The following COL18A1 variants were observed in gnomAD, a reference collection of about 807,000 sequenced individuals.
The protein encoded by COL18A1 is collagen type XVIII alpha 1 chain.
A neutral mutation model predicts 168.0 loss-of-function variants in COL18A1; 133 were observed. The observed-to-expected ratio is 0.79, with a 90% CI of 0.69 to 0.91. The LOEUF (loss-of-function observed/expected upper bound fraction) is 0.91, where lower values mean the gene tolerates loss of function less well. Among genes scored for constraint, COL18A1 ranks in the 40% least tolerant of loss-of-function variants. COL18A1 has a pLI of 0.00. For missense variants in COL18A1, 2,126 were observed against 1,925.4 expected (o/e 1.10, Z -1.95); for synonymous variants, 949 against 809.0 (o/e 1.17, Z -2.94).
intron 14 of COL18A1, 139 bp from the exon 15 acceptor site, chr21:45,482,656 C>A: frequency 1.5e-6 from 2 of 1,293,046 alleles, no homozygotes; most frequent in Non-Finnish European, 2.2e-6. Context: ...GCGGCAACAG[C>A]CTCAGAAACT....
intron 2 of COL18A1, among the ~76,000 whole-genome samples, chr21:45,411,232 C>T (rs1424336341): frequency 5.3e-5 from 8 of 152,116 alleles, no homozygotes; most frequent in Admixed American, 2.6e-4. Context: ...CTGCCTTCCC[C>T]GATGCCAGGT....
At chr21:45,488,053 C>T (rs2036177232) in intron 17 of COL18A1, among the ~76,000 whole-genome samples, 1 of 152,188 alleles carries the variant, frequency 6.6e-6, no homozygotes, top group Non-Finnish European at 1.5e-5. Context: ...GTCCCCTCCA[C>T]ACCACCAGCG....
intron 27 of COL18A1, 76 bp from the exon 28 acceptor site, chr21:45,494,786 C>T: frequency 7.1e-7 from 1 of 1,399,120 alleles, no homozygotes. Flanking sequence ...TGGCCCCTCC[C>T]CTTCCCCAGG....
chr21:45,462,514 G>A (rs977707695), intron 2 of COL18A1, among the ~76,000 whole-genome samples: 16 of 151,762 alleles, frequency 1.1e-4, no homozygotes, highest in Admixed American at 2.0e-4. Context: ...TTATTCTTTT[G>A]TCTGCTCAAA....
rs143092536 is a variant in COL18A1, at chr21:45,480,054, T to C, written c.1312-16T>C. 3 of 1,610,974 alleles carry C rather than the reference T, an allele frequency of 1.9e-6. No individual in the cohort carries two copies. Among genetic ancestry groups the C allele is most frequent in the African/African-American group, 2.7e-5 (2 of 74,748 alleles). ...GTGCGTGCCCAGGGTATGATAGGCT[T>C]GTCTTGTGTTCCCAGGGAGACCCTG... is the stretch of plus-strand genomic sequence containing the variant. On this transcript the variant is annotated splice_polypyrimidine_tract_variant and intron_variant, in intron 10 of 41. Transcript: ENST00000651438.
chr21:45,505,545 C>A (rs563833094), intron 36 of COL18A1, 114 bp downstream of exon 36: 13 of 713,590 alleles, frequency 1.8e-5, no homozygotes, highest in African/African-American at 1.1e-4. Context: ...ATACAGGAGG[C>A]CAAGATGCGG....
chr21:45,426,634 G>A (rs2033811884), intron 2 of COL18A1, among the ~76,000 whole-genome samples: 1 of 152,238 alleles, frequency 6.6e-6, no homozygotes, highest in Non-Finnish European at 1.5e-5. Flanking sequence ...TGGGTGCCAG[G>A]CCTGGCCGGG....
At chr21:45,430,306 G>A (rs2033922168) in intron 2 of COL18A1, among the ~76,000 whole-genome samples, 1 of 152,246 alleles carries the variant, frequency 6.6e-6, no homozygotes, top group Admixed American at 6.5e-5. Flanking sequence ...GTGGAACTCT[G>A]TGGTGGTCAG....
At chr21:45,477,379 G>A (rs747035115) in intron 6 of COL18A1, 32 bp from the exon 7 acceptor site, 10 of 1,589,226 alleles carry the variant, frequency 6.3e-6, no homozygotes, top group Middle Eastern at 1.8e-4. Context: ...CCCGGGGGGC[G>A]TGACCGTGGC....
chr21:45,507,035 G>A (rs919486757), intron 37 of COL18A1: 1 of 316,288 alleles, frequency 3.2e-6, no homozygotes. Flanking sequence ...GGAGGAGGCA[G>A]GGGATGGCAT....
rs151027433 is a variant in COL18A1, at chr21:45,414,565, G to A, written c.106+9092G>A. 8.3e-4 allele frequency among the ~76,000 whole-genome samples: 126 copies of A among 152,306 alleles called. 1 individual carries two copies. Among genetic ancestry groups the A allele is most frequent in the African/African-American group, 2.9e-3 (122 of 41,572 alleles). ...GGGCGGCCTCCTGCAGACAAGGCTC[G>A]GACCCTGCGGCCGACTCTGCCCCAG... On this transcript the variant is annotated intron_variant, in intron 2 of 41. Coordinates refer to ENST00000651438, the MANE Select transcript of COL18A1 (RefSeq NM_001379500.1).
intron 14 of COL18A1, chr21:45,482,470 C>A: frequency 1.8e-6 from 1 of 559,136 alleles, no homozygotes; most frequent in South Asian, 1.9e-5. Flanking sequence ...GCAGGGGACG[C>A]GGGCTGTAAA....
Position 45,457,307 on chromosome 21 carries a change from G to A in COL18A1, c.107-10935G>A, listed in dbSNP as rs1334963693. 2.6e-5 allele frequency among the ~76,000 whole-genome samples: 4 copies of A among 152,196 alleles called. No individual in the cohort carries two copies. Among genetic ancestry groups the A allele is most frequent in the Admixed American group, 6.5e-5 (1 of 15,288 alleles). On this transcript the variant is annotated intron_variant, in intron 2 of 41. Transcript: ENST00000651438. This position sits in a 1 kb window ranked among gnomAD's most constrained non-coding sequence, Gnocchi z 4.6. ...CTCCGGTCACTAAGCTGCACGGTTC[G>A]ATGCGCTTCCTGGGAGCCCCAGCGT...
intron 29 of COL18A1, 172 bp from the exon 30 acceptor site, chr21:45,496,328 C>T (rs771543569): frequency 1.3e-5 from 9 of 718,134 alleles, no homozygotes; most frequent in South Asian, 1.2e-4. Context: ...GGGGCCAGTT[C>T]CTGTCCTCAG....
intron 17 of COL18A1, 42 bp downstream of exon 17, chr21:45,487,551 G>A (rs758889972): frequency 2.1e-5 from 33 of 1,609,242 alleles, no homozygotes; most frequent in East Asian, 2.2e-5. Context: ...GAGGGGTAAG[G>A]GGGTGTTGCC....
chr21:45,465,781 T>G (rs113838387), intron 2 of COL18A1, among the ~76,000 whole-genome samples: 4,428 of 152,170 alleles, frequency 0.029, 228 homozygotes, highest in African/African-American at 0.1. Flanking sequence ...CTGGGGAGTG[T>G]CTGGAGCACC....
At chr21:45,493,950 C>T (rs2036446149) in intron 26 of COL18A1, 4 of 308,366 alleles carry the variant, frequency 1.3e-5, no homozygotes, top group South Asian at 7.6e-5. Flanking sequence ...TTCCTGGGGG[C>T]CCTGATGCTG....
At chr21:45,456,357 C>T (rs559679925) in intron 2 of COL18A1, 50 of 1,550,142 alleles carry the variant, frequency 3.2e-5, no homozygotes, top group Admixed American at 2.4e-4. Flanking sequence ...GGCAAGCACG[C>T]GGCCCCCTCC....
Position 45,463,693 on chromosome 21 carries a change from T to C in COL18A1, c.107-4549T>C, listed in dbSNP as rs2035112632. 6.6e-6 allele frequency among the ~76,000 whole-genome samples: 1 copy of C among 151,580 alleles called. No individual in the cohort carries two copies. The highest frequency in any genetic ancestry group is 1.5e-5 in the Non-Finnish European group (1 of 67,936). ...CATGCGGATCGCCTGAGGTCGGGAG[T>C]TGGAGACCAGCCTGACCAACACGGA... is the stretch of plus-strand genomic sequence containing the variant. On this transcript the variant is annotated intron_variant, in intron 2 of 41. Transcript: ENST00000651438. The surrounding 1 kb of genome is among the most constrained non-coding windows in gnomAD (Gnocchi z 4.0).
Sources: gnomAD v4.1 joint callset for allele counts (sites outside exome capture counted in the v4.1 genomes callset) on GRCh38, gnomAD v4.1.1 for gene constraint, Gnocchi (gnomAD v3.1) non-coding constraint, MANE v1.5 for transcripts, NCBI Gene and HGNC (gene_info 2026-07-23, HGNC 2026-07-21) for gene names.